The following WHAMM variants were observed in gnomAD, a reference collection of about 807,000 sequenced individuals.
WHAMM encodes WASP homolog associated with actin, golgi membranes and microtubules, also known as WASP homolog-associated protein with actin, membranes and microtubules.
Under a neutral mutation model 76.5 loss-of-function variants are expected in WHAMM, and 67 were observed. That is an observed-to-expected ratio of 0.88 (90% CI 0.72 to 1.07). The LOEUF (loss-of-function observed/expected upper bound fraction) is 1.07. Among genes scored for constraint, WHAMM ranks in the 50% least tolerant of loss-of-function variants. The probability of loss-of-function intolerance (pLI) is 0.00; values close to 1 mark genes in which losing one functional copy is unlikely to be tolerated. For synonymous variants in WHAMM, 419 were observed against 422.1 expected, an observed-to-expected ratio of 0.99 and a Z score of 0.09; for missense variants, 1,021 against 1,051.1, an observed-to-expected ratio of 0.97 and a Z score of 0.40.
intron 5 of WHAMM, among the ~76,000 whole-genome samples, chr15:82,822,850 CTA>C (rs943800657): frequency 9.9e-5 from 15 of 151,596 alleles, no homozygotes; most frequent in Admixed American, 9.2e-4. Context: ...ACACATATGT[CTA>C]TATACATGTA....
chr15:82,809,911 G>GGCCCGA lies in WHAMM; in HGVS notation c.196_201dup (p.Glu66_Pro67dup), dbSNP rs762622424. 77 of 1,526,932 alleles carry GGCCCGA rather than the reference G, an allele frequency of 5.0e-5. No individual in the cohort carries two copies. The highest frequency in any genetic ancestry group is 2.3e-4 in the Middle Eastern group (1 of 4,276). 94.6% of individuals were successfully genotyped at this position (1,526,932 alleles called of 1,614,324 possible). On this transcript the variant is annotated inframe_insertion, in exon 1 of 10. Transcript: ENST00000286760. ...CGGCTGCGCGAGGGGGCCCGGTTGGGGCCCGAGCCCGAGCCCAAGCCTGAG... is the reference window on the plus strand; with the variant it reads ...CGGCTGCGCGAGGGGGCCCGGTTGGGGCCCGAGCCCGAGCCCGAGCCCAAGCCTGAG...
At position 82,830,894 on chromosome 15, in the gene WHAMM, C is replaced by T. The variant is rs1490645432; in HGVS notation, c.1937C>T (p.Pro646Leu). The change falls in exon 9 of 10, where the codon CCA (proline) becomes CTA (leucine). Residue 646 changes from proline to leucine, a missense_variant. Physicochemically the swap from Pro to Leu is moderately conservative, Grantham distance 98 (BLOSUM62 -3). Around this residue, in one of 3 missense-constraint regions of WHAMM, gnomAD observed 509 missense variants for 492.3 expected, o/e 1.03. Coordinates refer to ENST00000286760, the MANE Select transcript of WHAMM (RefSeq NM_001080435.3). ...LSLPPPPPPP[P>L]PPPPPPPPPP... is the part of the protein sequence containing the mutation. ...CTGCCACCACCTCCTCCTCCTCCAC[C>T]ACCACCACCGCCGCCACCGCCGCCC... is the stretch of plus-strand genomic sequence containing the variant. The T allele has an allele frequency of 6.3e-7, 1 of 1,583,506 alleles. No individual in the cohort carries two copies. The highest frequency in any genetic ancestry group is 8.6e-7 in the Non-Finnish European group (1 of 1,165,390).
chr15:82,810,473 A>G lies in WHAMM; in HGVS notation c.609+138A>G, dbSNP rs2050609468. On this transcript the variant is annotated intron_variant, in intron 1 of 9. Transcript: ENST00000286760. ...GGGCGGAGAAGGCCGCGGGCTCCCC[A>G]GTGCCGTCACCTGCGCGGGACCGCT... 4 of 1,224,638 alleles carry G rather than the reference A, an allele frequency of 3.3e-6. No individual in the cohort carries two copies. The South Asian group carries it at 1.3e-4, about 41-fold the overall frequency. The allele number at this position is 1,224,638 out of a possible 1,614,324, so 75.9% of individuals were successfully genotyped here.
rs1246463852 is a variant in WHAMM at position 82,833,668 on chromosome 15, T to C, written c.*132T>C. 1.0e-6 allele frequency: 1 copy of C among 971,688 alleles called. No individual in the cohort carries two copies. The highest frequency in any genetic ancestry group is 1.5e-6 in the Non-Finnish European group (1 of 678,098). 60.2% of individuals were successfully genotyped at this position (971,688 alleles called of 1,614,324 possible). ...ACACCCCGGAAGATCAGCAGGGCCT[T>C]GTGTAGGCTGCTGCAGCATTTTTTT... On this transcript the variant is annotated 3_prime_UTR_variant, in exon 10 of 10. Coordinates refer to ENST00000286760, the MANE Select transcript of WHAMM (RefSeq NM_001080435.3).
intron 1 of WHAMM, chr15:82,810,685 T>C (rs1469140666): frequency 1.0e-6 from 1 of 985,322 alleles, no homozygotes; most frequent in Admixed American, 6.1e-5. Context: ...CCCATCCATG[T>C]AGGAAAGAAT....
At position 82,810,224 on chromosome 15, in the gene WHAMM, C is replaced by G. The variant is rs1273280283; in HGVS notation, c.498C>G (p.Arg166=). The change falls in exon 1 of 10, where the codon CGC becomes CGG. Residue 166 remains arginine (R), a synonymous_variant. Coordinates refer to ENST00000286760, the MANE Select transcript of WHAMM (RefSeq NM_001080435.3). The part of the protein sequence containing the change: ...AADGCGGATV[R]DALFPAEGGA... ...ACGGCTGCGGCGGCGCCACAGTGCGCGACGCACTCTTCCCGGCTGAGGGCG... is the reference window on the plus strand; with the variant it reads ...ACGGCTGCGGCGGCGCCACAGTGCGGGACGCACTCTTCCCGGCTGAGGGCG... The G allele has an allele frequency of 4.2e-6, 6 of 1,416,418 alleles. No homozygotes were observed. The highest frequency in any genetic ancestry group is 5.5e-6 in the Non-Finnish European group (6 of 1,084,338). The allele number at this position is 1,416,418 out of a possible 1,614,324, so 87.7% of individuals were successfully genotyped here.
chr15:82,830,462 T>A (rs1755390151), intron 8 of WHAMM, 137 bp from the exon 9 acceptor site: 1 of 1,320,742 alleles, frequency 7.6e-7, no homozygotes, highest in African/African-American at 1.5e-5. Context: ...AAAGGATGGC[T>A]GTACAAACAA....
intron 8 of WHAMM, among the ~76,000 whole-genome samples, chr15:82,827,604 C>G (rs542173188): frequency 1.3e-5 from 2 of 152,206 alleles, no homozygotes; most frequent in East Asian, 3.9e-4. Context: ...ATTAGCATAT[C>G]CATCACCTCA....
chr15:82,828,102 A>G (rs2050966590), intron 8 of WHAMM, among the ~76,000 whole-genome samples: 1 of 152,226 alleles, frequency 6.6e-6, no homozygotes, highest in Non-Finnish European at 1.5e-5. Context: ...AAGATTCTGG[A>G]ATAGGTATCA....
At chr15:82,811,038 G>C (rs2050619517) in intron 1 of WHAMM, among the ~76,000 whole-genome samples, 1 of 152,188 alleles carries the variant, frequency 6.6e-6, no homozygotes, top group Non-Finnish European at 1.5e-5. Context: ...GAGCCAGGCT[G>C]GAGTCTCGGC....
chr15:82,832,739 T>C (rs1208024843), intron 9 of WHAMM, among the ~76,000 whole-genome samples: 1 of 152,236 alleles, frequency 6.6e-6, no homozygotes, highest in Non-Finnish European at 1.5e-5. Context: ...TGTCATAGAA[T>C]GAGTCATCAC....
Position 82,833,302 on chromosome 15 carries a change from G to A in WHAMM, c.2196G>A (p.Val732=). Residue 732 remains valine (V), a synonymous_variant, in exon 10 of 10, where the codon GTG becomes GTA. Coordinates refer to ENST00000286760, the MANE Select transcript of WHAMM (RefSeq NM_001080435.3). ...TCCGGAAGGTGGAAGTGCCGGCGGTGCGCCCTCCCCACGCCTCAATCAATG... is the reference window on the plus strand; with the variant it reads ...TCCGGAAGGTGGAAGTGCCGGCGGTACGCCCTCCCCACGCCTCAATCAATG... The part of the protein sequence containing the change: ...APLRKVEVPA[V]RPPHASINEH... 1 of 1,614,038 alleles carries A rather than the reference G, an allele frequency of 6.2e-7. No individual in the cohort carries two copies. The highest frequency in any genetic ancestry group is 8.5e-7 in the Non-Finnish European group (1 of 1,179,894).
At chr15:82,831,221 G>T in intron 9 of WHAMM, 142 bp downstream of exon 9, 1 of 1,425,140 alleles carries the variant, frequency 7.0e-7, no homozygotes, top group Non-Finnish European at 9.3e-7. Flanking sequence ...TTGCTGCCTT[G>T]AGTATCATTA....
chr15:82,827,571 T>A (rs1402172029), intron 8 of WHAMM, among the ~76,000 whole-genome samples: 2 of 152,368 alleles, frequency 1.3e-5, no homozygotes, highest in Admixed American at 6.5e-5. Flanking sequence ...AGGTGTATAA[T>A]GTGTAATGAT....
chr15:82,823,632 G>A (rs549005300), intron 6 of WHAMM, among the ~76,000 whole-genome samples: 2 of 152,224 alleles, frequency 1.3e-5, no homozygotes, highest in Admixed American at 1.3e-4. Context: ...GAGGCATGAT[G>A]TTGGCTCACT....
intron 6 of WHAMM, among the ~76,000 whole-genome samples, chr15:82,824,149 C>G (rs968020397): frequency 2.8e-5 from 3 of 106,286 alleles, no homozygotes; most frequent in Admixed American, 9.5e-5. Flanking sequence ...CTCATATTTA[C>G]TATACTTTTC....
chr15:82,832,874 G>A (rs925917961), intron 9 of WHAMM, among the ~76,000 whole-genome samples: 1 of 152,174 alleles, frequency 6.6e-6, no homozygotes, highest in Admixed American at 6.5e-5. Flanking sequence ...CACAGTGGGT[G>A]AGACTATTCC....
In WHAMM at chr15:82,809,628, C is replaced by T. The variant is rs548031764; in HGVS notation, c.-99C>T. ...CTGGGGCACTGACGCGGTTTCGATT[C>T]TAGCGAAAAATGATTTGGCTCGGAC... On this transcript the variant is annotated 5_prime_UTR_variant, in exon 1 of 10. Transcript: ENST00000286760. The T allele has an allele frequency of 2.7e-6, 3 of 1,103,670 alleles. No individual in the cohort carries two copies. Among genetic ancestry groups the T allele is most frequent in the South Asian group, 5.7e-5 (2 of 34,836 alleles). The allele number at this position is 1,103,670 out of a possible 1,614,324, so 68.4% of individuals were successfully genotyped here.
intron 8 of WHAMM, among the ~76,000 whole-genome samples, chr15:82,827,651 A>G (rs565956453): frequency 8.5e-5 from 13 of 152,328 alleles, no homozygotes; most frequent in Non-Finnish European, 1.5e-4. Flanking sequence ...TTTTAAAACA[A>G]TGTAAATAGG....
Sources: gnomAD v4.1 joint callset for allele counts (sites outside exome capture counted in the v4.1 genomes callset) on GRCh38, gnomAD v4.1.1 for gene constraint, gnomAD v4.1.1 regional missense constraint, MANE v1.5 for transcripts, NCBI Gene and HGNC (gene_info 2026-07-23, HGNC 2026-07-21) for gene names.